The following DNAH12 variants were observed in gnomAD, a reference collection of about 807,000 sequenced individuals.
DNAH12 encodes axonemal beta dynein heavy chain 12.
In DNAH12, 285 loss-of-function variants were observed where a neutral mutation model predicts 371.5. That is an observed-to-expected ratio of 0.77 (90% CI 0.70 to 0.85). The LOEUF is 0.85. Among genes scored for constraint, DNAH12 ranks in the 40% least tolerant of loss-of-function variants. The pLI, the probability that DNAH12 is intolerant of heterozygous loss-of-function variation, is 0.00. For missense variants in DNAH12, 3,611 were observed against 3,689.4 expected (o/e 0.98, Z 0.55); for synonymous variants, 1,200 against 1,213.0 (o/e 0.99, Z 0.22).
At position 57,523,819 on chromosome 3, in the gene DNAH12, G is replaced by T; in HGVS notation, c.236C>A (p.Pro79His). Reference sequence around the variant, plus strand: ...TAAACTTACAGTTTGAGGATAATCAGGTGGTGGTAATAGAGGTGTTCTTTT... The same window carrying T: ...TAAACTTACAGTTTGAGGATAATCATGTGGTGGTAATAGAGGTGTTCTTTT... ...LGKRTPLLPP[P>H]DYPQTMTSEM... The change falls in exon 3 of 74, where the codon CCT becomes CAT. Residue 79 changes from proline (P) to histidine (H), a missense_variant. Pro to His is a moderately conservative substitution (Grantham distance 77, BLOSUM62 -2). Around this residue, in one of 3 missense-constraint regions of DNAH12, gnomAD observed 1,314 missense variants for 1,398.7 expected, o/e 0.94. Coordinates refer to ENST00000495027, the MANE Select transcript of DNAH12 (RefSeq NM_001366028.2). 11 of 1,603,090 alleles carry T rather than the reference G, an allele frequency of 6.9e-6. No homozygotes were observed. The highest frequency in any genetic ancestry group is 9.4e-6 in the Non-Finnish European group (11 of 1,176,256).
intron 52 of DNAH12, among the ~76,000 whole-genome samples, chr3:57,378,603 G>A (rs1220281073): frequency 2.0e-5 from 3 of 152,114 alleles, no homozygotes; most frequent in Non-Finnish European, 4.4e-5. Flanking sequence ...CAAGCTGCAA[G>A]GGCAAAGCCT....
At chr3:57,320,660 T>G (rs1272958158) in intron 65 of DNAH12, among the ~76,000 whole-genome samples, 1 of 152,142 alleles carries the variant, frequency 6.6e-6, no homozygotes, top group African/African-American at 2.4e-5. Flanking sequence ...TTTCAAAGTG[T>G]GATTCCAGAA....
chr3:57,326,206 G>C (rs971803625), intron 62 of DNAH12, among the ~76,000 whole-genome samples: 4 of 151,954 alleles, frequency 2.6e-5, no homozygotes, highest in East Asian at 1.9e-4. Flanking sequence ...GAAATACAGA[G>C]AATGCCACAA....
chr3:57,365,432 G>A (rs2063029161), intron 57 of DNAH12, among the ~76,000 whole-genome samples: 1 of 152,098 alleles, frequency 6.6e-6, no homozygotes, highest in African/African-American at 2.4e-5. Context: ...CACAGGGTAG[G>A]GAACAACACA....
chr3:57,413,934 G>A (rs1380133820), intron 38 of DNAH12, 22 bp from the exon 39 acceptor site: 1 of 1,541,474 alleles, frequency 6.5e-7, no homozygotes, highest in South Asian at 1.2e-5. Flanking sequence ...AGGAAGAATG[G>A]TATATTTACC....
At chr3:57,398,393 A>G (rs2063788487) in intron 43 of DNAH12, among the ~76,000 whole-genome samples, 1 of 152,218 alleles carries the variant, frequency 6.6e-6, no homozygotes, top group Admixed American at 6.5e-5. Flanking sequence ...ATGACTGAAA[A>G]TTTCTCAAAT....
At chr3:57,411,526 C>CAAAAAA (rs57344840) in intron 39 of DNAH12, among the ~76,000 whole-genome samples, 16 of 39,108 alleles carry the variant, frequency 4.1e-4, no homozygotes, top group Non-Finnish European at 5.6e-4. Context: ...GACACTGTCT[C>CAAAAAA]AAAAAAAAAA....
At chr3:57,401,580 A>AAAGAAGAAG (rs1221293977) in intron 43 of DNAH12, among the ~76,000 whole-genome samples, 1 of 129,810 alleles carries the variant, frequency 7.7e-6, no homozygotes, top group Admixed American at 8.7e-5. Flanking sequence ...AAAAAAAAAA[A>AAAGAAGAAG]AAGAAGAAGA....
intron 66 of DNAH12, among the ~76,000 whole-genome samples, chr3:57,312,319 G>A (rs2061598632): frequency 6.6e-6 from 1 of 152,076 alleles, no homozygotes; most frequent in African/African-American, 2.4e-5. Flanking sequence ...TCTCTTCTTT[G>A]GGGGAGGGGA....
At chr3:57,477,674 C>A (rs1210207497) in intron 13 of DNAH12, among the ~76,000 whole-genome samples, 1 of 152,184 alleles carries the variant, frequency 6.6e-6, no homozygotes, top group Non-Finnish European at 1.5e-5. Context: ...AGGCACCCCC[C>A]AGTAGGGGCA....
At chr3:57,407,151 C>T (rs1218592745) in intron 40 of DNAH12, among the ~76,000 whole-genome samples, 3 of 152,072 alleles carry the variant, frequency 2.0e-5, no homozygotes, top group Admixed American at 2.0e-4. Flanking sequence ...CCCACCTTGG[C>T]CTCCCAAAGT....
intron 25 of DNAH12, among the ~76,000 whole-genome samples, chr3:57,450,839 A>G (rs2065736611): frequency 6.6e-6 from 1 of 152,144 alleles, no homozygotes; most frequent in Non-Finnish European, 1.5e-5. Context: ...TTACCCAGCC[A>G]TTGCATTCAT....
At chr3:57,428,298 T>C (rs1285781435) in intron 34 of DNAH12, 4 of 999,382 alleles carry the variant, frequency 4.0e-6, no homozygotes, top group African/African-American at 1.8e-5. Flanking sequence ...ATGTAAAGTT[T>C]TCTCATAAAA....
chr3:57,397,908 A>T (rs1344391724), intron 43 of DNAH12, among the ~76,000 whole-genome samples: 1 of 152,156 alleles, frequency 6.6e-6, no homozygotes, highest in Non-Finnish European at 1.5e-5. Context: ...AGAATTAAGG[A>T]AACGTGGCCC....
chr3:57,457,856 G>A lies in DNAH12; in HGVS notation c.3201C>T (p.Ser1067=). The A allele has an allele frequency of 6.4e-7, 1 of 1,551,560 alleles. No individual in the cohort carries two copies. The highest frequency in any genetic ancestry group is 8.7e-7 in the Non-Finnish European group (1 of 1,146,976). ...LPNLDIKAMY[S]SEGERVELIA... is the part of the protein sequence containing the mutation. ...TCAGCTCCACTCGCTCGCCCTCAGA[G>A]CTATACATGGCTTTAATGTCCAAAT... The change falls in exon 22 of 74, where the codon AGC becomes AGT. Residue 1067 remains serine (S), a synonymous_variant. Transcript: ENST00000495027.
intron 65 of DNAH12, among the ~76,000 whole-genome samples, chr3:57,319,750 T>A (rs1055081539): frequency 1.3e-5 from 2 of 151,582 alleles, no homozygotes; most frequent in African/African-American, 4.8e-5. Flanking sequence ...CTAATTTTTT[T>A]TTTTTTTGTA....
chr3:57,313,907 G>C (rs1482542806), intron 66 of DNAH12, among the ~76,000 whole-genome samples: 1 of 152,160 alleles, frequency 6.6e-6, no homozygotes, highest in Non-Finnish European at 1.5e-5. Flanking sequence ...AAGCTCTGGG[G>C]TCTAATATTC....
intron 29 of DNAH12, among the ~76,000 whole-genome samples, chr3:57,437,578 G>A (rs2065167983): frequency 1.3e-5 from 2 of 152,204 alleles, no homozygotes; most frequent in Admixed American, 1.3e-4. Context: ...TCTGGACTTG[G>A]TGGATATCGG....
chr3:57,492,321 G>A (rs564301152), intron 11 of DNAH12, among the ~76,000 whole-genome samples: 1 of 152,076 alleles, frequency 6.6e-6, no homozygotes, highest in Admixed American at 6.5e-5. Context: ...TTAGCTGGGC[G>A]TGGTGGTGCA....
Sources: gnomAD v4.1 joint callset for allele counts (sites outside exome capture counted in the v4.1 genomes callset) on GRCh38, gnomAD v4.1.1 for gene constraint, gnomAD v4.1.1 regional missense constraint, MANE v1.5 for transcripts, NCBI Gene and HGNC (gene_info 2026-07-23, HGNC 2026-07-21) for gene names.